The following SP3 variants were observed in gnomAD, a reference collection of about 807,000 sequenced individuals.
SP3 encodes the protein Sp3 transcription factor, also known as transcription factor Sp3.
SP3 carries 10 observed loss-of-function variants against 70.3 expected under a neutral mutation model. That is an observed-to-expected ratio of 0.14 (90% CI 0.09 to 0.24). SP3 has a LOEUF of 0.24. Ranked by LOEUF, SP3 falls within the 10% of genes least tolerant of loss-of-function variation. SP3 has a pLI of 1.00. For missense variants in SP3, 825 were observed against 914.6 expected (o/e 0.90, Z 1.26); for synonymous variants, 402 against 333.5 (o/e 1.21, Z -2.24).
intron 4 of SP3, among the ~76,000 whole-genome samples, chr2:173,919,760 G>A (rs1339201001): frequency 6.6e-6 from 1 of 152,128 alleles, no homozygotes; most frequent in Non-Finnish European, 1.5e-5. Flanking sequence ...GATGGTAGGT[G>A]TGTAGATCAG....
At position 173,918,648 on chromosome 2, in the gene SP3, T is replaced by C; in HGVS notation, c.1777A>G (p.Lys593Glu). The change falls in exon 5 of 7, where the codon AAA (lysine) becomes GAA (glutamate). Residue 593 changes from lysine to glutamate, a missense_variant. Physicochemically the swap from Lys to Glu is moderately conservative, Grantham distance 56. This residue lies in a region of SP3 where 37 missense variants were observed against 66.2 expected (regional missense o/e 0.56). Transcript: ENST00000310015. ...GTGCAAGCTACCCTCCGAAGTCTTTTTCCTTCTTGATGTTGTTGGTCCCCT... is the reference window on the plus strand; with the variant it reads ...GTGCAAGCTACCCTCCGAAGTCTTTCTCCTTCTTGATGTTGTTGGTCCCCT... The part of the protein sequence containing the change: ...EEGDQQHQEG[K>E]RLRRVACTCP... 1.9e-6 allele frequency: 3 copies of C among 1,613,876 alleles called. No individual in the cohort carries two copies. Among genetic ancestry groups the C allele is most frequent in the Non-Finnish European group, 2.5e-6 (3 of 1,179,804 alleles).
In SP3 at chr2:173,934,728, A is replaced by C. The variant is rs528433236; in HGVS notation, c.1640-15943T>G. Reference sequence around the variant, plus strand: ...ACATAAAAAGTAAAAAAAAAAATTAAATCAGCACTCTACTTATTTATCAAC... The same window carrying C: ...ACATAAAAAGTAAAAAAAAAAATTACATCAGCACTCTACTTATTTATCAAC... On this transcript the variant is annotated intron_variant, in intron 4 of 6. Coordinates refer to ENST00000310015, the MANE Select transcript of SP3 (RefSeq NM_003111.5). 3.3e-5 allele frequency among the ~76,000 whole-genome samples: 5 copies of C among 152,270 alleles called. 1 individual carries two copies. The South Asian group carries it at 1.0e-3, about 32-fold the overall frequency.
intron 4 of SP3, among the ~76,000 whole-genome samples, chr2:173,931,300 G>C (rs148649579): frequency 6.6e-6 from 1 of 151,960 alleles, no homozygotes; most frequent in Non-Finnish European, 1.5e-5. Context: ...ATGCCAAGGC[G>C]AGCAGATCAC....
chr2:173,963,850 C>T lies in SP3; in HGVS notation c.190G>A (p.Ala64Thr). 2.0e-6 allele frequency: 3 copies of T among 1,502,130 alleles called. No individual in the cohort carries two copies. Among genetic ancestry groups the T allele is most frequent in the South Asian group, 1.2e-5 (1 of 80,374 alleles). The allele number at this position is 1,502,130 out of a possible 1,614,324, so 93.1% of individuals were successfully genotyped here. ...TQPSPLALLA[A>T]TCSKIGPPSP... ...GGCGGCCCTATCTTGCTGCAGGTAG[C>T]GGCCAGCAGAGCGAGCGGTGACGGC... The change falls in exon 3 of 7, where the codon GCT becomes ACT. Residue 64 changes from alanine (A) to threonine (T), a missense_variant. Ala to Thr is a moderately conservative substitution (Grantham distance 58). Coordinates refer to ENST00000310015, the MANE Select transcript of SP3 (RefSeq NM_003111.5).
intron 5 of SP3, among the ~76,000 whole-genome samples, chr2:173,917,388 T>A (rs2105458378): frequency 6.6e-6 from 1 of 152,190 alleles, no homozygotes; most frequent in South Asian, 2.1e-4. Flanking sequence ...TGGGAGGCAG[T>A]ATAGTTTAAT....
At chr2:173,952,128 C>G (rs1243825158) in intron 4 of SP3, among the ~76,000 whole-genome samples, 1 of 139,278 alleles carries the variant, frequency 7.2e-6, no homozygotes, top group Non-Finnish European at 1.5e-5. Flanking sequence ...GAGGAAATAT[C>G]TGTCACTTAA....
intron 4 of SP3, among the ~76,000 whole-genome samples, chr2:173,947,838 C>A (rs1404655412): frequency 6.6e-6 from 1 of 152,140 alleles, no homozygotes; most frequent in Admixed American, 6.5e-5. Context: ...TTTCTGCAAG[C>A]CCCAAAACTC....
rs1559088958 is a variant in SP3 at position 173,911,812 on chromosome 2, C to CTTT, written c.2029+1257_2029+1258insAAA. 2.7e-3 allele frequency among the ~76,000 whole-genome samples: 309 copies of CTTT among 115,832 alleles called. 1 individual carries two copies. The highest frequency in any genetic ancestry group is 0.01 in the African/African-American group (293 of 29,044). The allele number at this position is 115,832 out of a possible 152,430, so 76.0% of individuals were successfully genotyped here. A position where few individuals can be genotyped will look rare whatever the true frequency, so the allele number is the denominator to read the frequency against. ...ACTGCAACGCAAAATCTTTTATCTACCTTTTTTTTTTTTTTTTTTTTTTTG... is the reference window on the plus strand; with the variant it reads ...ACTGCAACGCAAAATCTTTTATCTACTTTCTTTTTTTTTTTTTTTTTTTTTTTG... On this transcript the variant is annotated intron_variant, in intron 6 of 6. Transcript: ENST00000310015.
chr2:173,949,691 GCTT>G (rs1182030865), intron 4 of SP3, among the ~76,000 whole-genome samples: 2 of 151,496 alleles, frequency 1.3e-5, no homozygotes, highest in Admixed American at 6.6e-5. Flanking sequence ...CTTTTATAAG[GCTT>G]CTATTTTCTC....
intron 4 of SP3, among the ~76,000 whole-genome samples, chr2:173,920,123 G>T (rs1689711116): frequency 6.6e-6 from 1 of 152,000 alleles, no homozygotes. Flanking sequence ...TATATACAGG[G>T]AATGGGATCG....
rs1351923919 is a variant in SP3 at position 173,964,408 on chromosome 2, G to GGCC, written c.150_152dup (p.Ala51dup). On this transcript the variant is annotated inframe_insertion, in exon 2 of 7. Transcript: ENST00000310015. ...CCGGGGTTCAGCCGCTCCTCACCTG[G>GGCC]GCCGCCGCTGCCGCCGCCACCGCAC... is the stretch of plus-strand genomic sequence containing the variant. 1.4e-6 allele frequency: 1 copy of GGCC among 720,936 alleles called. No individual in the cohort carries two copies. Among genetic ancestry groups the GGCC allele is most frequent in the South Asian group, 1.5e-5 (1 of 68,854 alleles). 44.7% of individuals were successfully genotyped at this position (720,936 alleles called of 1,614,324 possible).
At chr2:173,922,013 C>A (rs1689768792) in intron 4 of SP3, among the ~76,000 whole-genome samples, 1 of 152,142 alleles carries the variant, frequency 6.6e-6, no homozygotes, top group Admixed American at 6.6e-5. Context: ...GACCCAGATG[C>A]CAGCACTATG....
chr2:173,951,425 C>T lies in SP3; in HGVS notation c.1639+3448G>A, dbSNP rs549586517. On this transcript the variant is annotated intron_variant, in intron 4 of 6. Coordinates refer to ENST00000310015, the MANE Select transcript of SP3 (RefSeq NM_003111.5). ...TTCATTTAAAAATAAATCCATTACA[C>T]GTTAACATAAATTAACATTTTATGA... is the stretch of plus-strand genomic sequence containing the variant. 1.4e-3 allele frequency among the ~76,000 whole-genome samples: 207 copies of T among 152,222 alleles called. 1 individual carries two copies. The highest frequency in any genetic ancestry group is 4.7e-3 in the African/African-American group (197 of 41,544).
Position 173,908,180 on chromosome 2 carries a change from TTAATG to T in SP3, c.*1756_*1760del, listed in dbSNP as rs1430236867. ...GCTTGTCTTATCATTTTCAGGAGTC[TTAATG>T]TAAATTCAGGTTTTCGATAAATCAA... On this transcript the variant is annotated 3_prime_UTR_variant, in exon 7 of 7. Coordinates refer to ENST00000310015, the MANE Select transcript of SP3 (RefSeq NM_003111.5). 3 of 152,126 alleles carry T rather than the reference TTAATG, an allele frequency of 2.0e-5. No individual in the cohort carries two copies. The highest frequency in any genetic ancestry group is 7.2e-5 in the African/African-American group (3 of 41,460). The allele number at this position is 152,126 out of a possible 1,614,324, so 9.4% of individuals were successfully genotyped here.
At chr2:173,916,242 G>C (rs879750429) in intron 5 of SP3, 1 of 152,012 alleles carries the variant, frequency 6.6e-6, no homozygotes, top group Admixed American at 6.5e-5. Flanking sequence ...AGTCACAAAA[G>C]TTCTAGAAAA....
chr2:173,942,449 C>T (rs923126360), intron 4 of SP3, among the ~76,000 whole-genome samples: 3 of 152,122 alleles, frequency 2.0e-5, no homozygotes, highest in Admixed American at 6.6e-5. Flanking sequence ...GCCTGTAATC[C>T]CAGCTACTTG....
intron 4 of SP3, among the ~76,000 whole-genome samples, chr2:173,938,459 CAAAAAAAAAAA>C (rs747595137): frequency 1.1e-4 from 5 of 46,386 alleles, no homozygotes; most frequent in African/African-American, 3.2e-4. Flanking sequence ...AACTTTGCCT[CAAAAAAAAAAA>C]AAAAAAAAAA....
At chr2:173,941,582 T>C (rs951295822) in intron 4 of SP3, among the ~76,000 whole-genome samples, 8 of 152,084 alleles carry the variant, frequency 5.3e-5, no homozygotes, top group African/African-American at 1.4e-4. Context: ...GCCTGGGTGA[T>C]AGTTGAGACC....
chr2:173,926,466 G>C (rs1435574974), intron 4 of SP3, among the ~76,000 whole-genome samples: 1 of 151,912 alleles, frequency 6.6e-6, no homozygotes, highest in Non-Finnish European at 1.5e-5. Context: ...CCCCAGAAAA[G>C]CCCTGTCTTT....
Sources: allele counts gnomAD v4.1 joint callset (sites outside exome capture counted in the v4.1 genomes callset), GRCh38; gene constraint gnomAD v4.1.1; regional missense constraint gnomAD v4.1.1; transcripts MANE v1.5; gene names NCBI Gene and HGNC (gene_info 2026-07-23, HGNC 2026-07-21).